LUZP2: variants seen among roughly 807,000 people sequenced by gnomAD.
The protein encoded by LUZP2 is leucine zipper protein 2.
A neutral mutation model predicts 51.6 loss-of-function variants in LUZP2; 52 were observed. The observed-to-expected ratio is 1.01, with a 90% CI of 0.81 to 1.27. The LOEUF is 1.27. LUZP2 is among the 50% of genes most tolerant of loss of function. The probability of loss-of-function intolerance (pLI) is 0.00; values close to 1 mark genes in which losing one functional copy is unlikely to be tolerated. For synonymous variants in LUZP2, 154 were observed against 137.3 expected (o/e 1.12, Z -0.85); for missense variants, 436 against 395.4 (o/e 1.10, Z -0.87).
chr11:24,710,032 TC>T (rs1234795693), intron 1 of LUZP2, among the ~76,000 whole-genome samples: 1 of 152,192 alleles, frequency 6.6e-6, no homozygotes, highest in Non-Finnish European at 1.5e-5. Flanking sequence ...TCTGATGAGA[TC>T]CTTTTTATTT....
intron 5 of LUZP2, among the ~76,000 whole-genome samples, chr11:24,765,617 T>TG (rs1480015392): frequency 1.4e-5 from 2 of 147,046 alleles, no homozygotes; most frequent in Non-Finnish European, 3.0e-5. Context: ...TTTTTCCTTT[T>TG]TTTTCTTTTT....
At chr11:24,526,277 AAG>A (rs1491207648) in intron 1 of LUZP2, among the ~76,000 whole-genome samples, 2 of 151,066 alleles carry the variant, frequency 1.3e-5, no homozygotes, top group Admixed American at 1.3e-4. Flanking sequence ...AAAAAAAAAA[AAG>A]CTCAAGAGTG....
chr11:24,842,096 T>C (rs536965423), intron 5 of LUZP2, among the ~76,000 whole-genome samples: 16 of 151,480 alleles, frequency 1.1e-4, no homozygotes, highest in African/African-American at 3.4e-4. Flanking sequence ...AAAATAGATA[T>C]ACTGACACTT....
chr11:24,561,233 T>A lies in LUZP2; in HGVS notation c.62+63928T>A, dbSNP rs577990733. Reference sequence around the variant, plus strand: ...GATATTTAATTAGGTCATTTTAATATGTCATGTTAATTGACAATAATAATT... The same window carrying A: ...GATATTTAATTAGGTCATTTTAATAAGTCATGTTAATTGACAATAATAATT... On this transcript the variant is annotated intron_variant, in intron 1 of 11. Coordinates refer to ENST00000336930, the MANE Select transcript of LUZP2 (RefSeq NM_001009909.4). 5.3e-5 allele frequency among the ~76,000 whole-genome samples: 8 copies of A among 152,324 alleles called. No individual in the cohort carries two copies. The East Asian group carries it at 1.3e-3, about 26-fold the overall frequency.
chr11:25,074,689 T>C (rs148602674), intron 10 of LUZP2, among the ~76,000 whole-genome samples: 127 of 152,264 alleles, frequency 8.3e-4, no homozygotes, highest in Middle Eastern at 3.4e-3. Flanking sequence ...TAACATATTG[T>C]GCATTATGAA....
At chr11:24,780,444 A>T (rs901805744) in intron 5 of LUZP2, among the ~76,000 whole-genome samples, 1 of 152,150 alleles carries the variant, frequency 6.6e-6, no homozygotes, top group Non-Finnish European at 1.5e-5. Context: ...CCTCTTAAAC[A>T]TGTAATAAAC....
intron 1 of LUZP2, among the ~76,000 whole-genome samples, chr11:24,680,980 T>C (rs368609246): frequency 1.3e-5 from 2 of 148,992 alleles, no homozygotes; most frequent in East Asian, 2.0e-4. Flanking sequence ...TTTATTTTTT[T>C]TTTTTTTTTT....
chr11:24,517,271 G>A (rs1017538091), intron 1 of LUZP2, among the ~76,000 whole-genome samples: 1 of 151,836 alleles, frequency 6.6e-6, no homozygotes, highest in Admixed American at 6.6e-5. Context: ...GGATCATGAG[G>A]TCAGGAGATC....
At chr11:24,973,671 G>A (rs943174292) in intron 7 of LUZP2, among the ~76,000 whole-genome samples, 1 of 151,696 alleles carries the variant, frequency 6.6e-6, no homozygotes, top group Non-Finnish European at 1.5e-5. Flanking sequence ...CTTCATTTTT[G>A]TCTTAATTTC....
intron 9 of LUZP2, among the ~76,000 whole-genome samples, chr11:24,986,561 G>GTGTA (rs1856194738): frequency 6.6e-6 from 1 of 151,122 alleles, no homozygotes; most frequent in Non-Finnish European, 1.5e-5. Context: ...GTGTGTGTGT[G>GTGTA]TGTGTGTAAC....
chr11:24,577,578 G>A (rs867634423), intron 1 of LUZP2, among the ~76,000 whole-genome samples: 16 of 151,908 alleles, frequency 1.1e-4, no homozygotes, highest in South Asian at 8.3e-4. Flanking sequence ...TGTTTACTTT[G>A]TTCTGTCAGA....
chr11:24,900,060 C>G (rs1403884820), intron 5 of LUZP2, among the ~76,000 whole-genome samples: 1 of 152,142 alleles, frequency 6.6e-6, no homozygotes, highest in East Asian at 1.9e-4. Flanking sequence ...TTTCCTCCTC[C>G]TTTGTCTTAA....
chr11:24,515,630 G>A (rs189489984), intron 1 of LUZP2, among the ~76,000 whole-genome samples: 10 of 152,216 alleles, frequency 6.6e-5, no homozygotes, highest in East Asian at 3.9e-4. Flanking sequence ...GTTTCAAAAC[G>A]TAGACGGAAC....
At chr11:25,021,954 A>G (rs767242760) in intron 9 of LUZP2, among the ~76,000 whole-genome samples, 6 of 152,012 alleles carry the variant, frequency 3.9e-5, no homozygotes, top group Non-Finnish European at 7.4e-5. Context: ...CTTCCACTCC[A>G]ACTGTATTTT....
intron 9 of LUZP2, among the ~76,000 whole-genome samples, chr11:25,018,741 G>C (rs547179732): frequency 1.3e-4 from 19 of 151,542 alleles, no homozygotes; most frequent in African/African-American, 4.4e-4. Flanking sequence ...TCAAGTAGCT[G>C]GAATTACAGG....
intron 1 of LUZP2, among the ~76,000 whole-genome samples, chr11:24,693,249 T>G (rs1038726986): frequency 6.6e-6 from 1 of 151,668 alleles, no homozygotes; most frequent in Non-Finnish European, 1.5e-5. Flanking sequence ...TATACAGCAT[T>G]GGGTGATTTA....
intron 5 of LUZP2, among the ~76,000 whole-genome samples, chr11:24,808,138 G>A (rs1211349324): frequency 6.6e-6 from 1 of 152,126 alleles, no homozygotes; most frequent in Non-Finnish European, 1.5e-5. Context: ...TCACTTACAA[G>A]ATTACTTCCA....
chr11:24,735,295 AG>A (rs1858891836), intron 3 of LUZP2, among the ~76,000 whole-genome samples: 1 of 151,884 alleles, frequency 6.6e-6, no homozygotes, highest in Non-Finnish European at 1.5e-5. Context: ...TAATATTCAT[AG>A]GAGATTCCCC....
At chr11:24,808,631 C>A (rs1411540390) in intron 5 of LUZP2, among the ~76,000 whole-genome samples, 1 of 151,890 alleles carries the variant, frequency 6.6e-6, no homozygotes, top group Non-Finnish European at 1.5e-5. Flanking sequence ...CAAGAATAAA[C>A]CTATCTGGCC....
Sources: gnomAD v4.1 joint callset for allele counts (sites outside exome capture counted in the v4.1 genomes callset) on GRCh38, gnomAD v4.1.1 for gene constraint, MANE v1.5 for transcripts, NCBI Gene and HGNC (gene_info 2026-07-23, HGNC 2026-07-21) for gene names.